LPAR5: variants seen among roughly 807,000 people sequenced by gnomAD.
LPAR5 encodes the protein lysophosphatidic acid receptor 5.
For missense variants in LPAR5, 544 were observed against 521.8 expected, an observed-to-expected ratio of 1.04 and a Z score of -0.41; for synonymous variants, 271 against 261.6, an observed-to-expected ratio of 1.04 and a Z score of -0.35.
At chr12:6,623,963 C>A (rs1348950428) in intron 1 of LPAR5, among the ~76,000 whole-genome samples, 1 of 152,044 alleles carries the variant, frequency 6.6e-6, no homozygotes, top group Non-Finnish European at 1.5e-5. Context: ...CCATGTCAGA[C>A]AAGCAAACAA....
intron 1 of LPAR5, among the ~76,000 whole-genome samples, chr12:6,626,503 G>T (rs1210620079): frequency 6.6e-6 from 1 of 152,146 alleles, no homozygotes; most frequent in African/African-American, 2.4e-5. Flanking sequence ...AACAGTTAAA[G>T]GGAATAAAGA....
intron 1 of LPAR5, among the ~76,000 whole-genome samples, chr12:6,631,228 T>C (rs771720132): frequency 4.0e-4 from 61 of 152,198 alleles, no homozygotes; most frequent in Non-Finnish European, 8.1e-4. Flanking sequence ...ACACACACGC[T>C]AAGAGATGTG....
At chr12:6,627,983 C>G (rs1565387933) in intron 1 of LPAR5, among the ~76,000 whole-genome samples, 1 of 151,486 alleles carries the variant, frequency 6.6e-6, no homozygotes, top group Admixed American at 6.6e-5. Context: ...ACAGTTTACA[C>G]TATGATTACA....
intron 1 of LPAR5, among the ~76,000 whole-genome samples, chr12:6,630,741 C>A (rs7137095): frequency 0.45 from 68,620 of 151,546 alleles, 18,324 homozygotes; most frequent in Middle Eastern, 0.71. Context: ...CATGAGCCAC[C>A]GCACCTGGCC....
At chr12:6,625,815 T>G (rs963344127) in intron 1 of LPAR5, among the ~76,000 whole-genome samples, 1 of 151,972 alleles carries the variant, frequency 6.6e-6, no homozygotes, top group Non-Finnish European at 1.5e-5. Context: ...TTTTTTGTTT[T>G]TTTTGAGACA....
intron 1 of LPAR5, among the ~76,000 whole-genome samples, chr12:6,629,002 C>A (rs1321420075): frequency 6.6e-6 from 1 of 150,474 alleles, no homozygotes; most frequent in Non-Finnish European, 1.5e-5. Flanking sequence ...AACTCCTGAC[C>A]TCAGGTAATC....
intron 1 of LPAR5, among the ~76,000 whole-genome samples, chr12:6,628,490 A>C (rs1948959434): frequency 6.8e-6 from 1 of 147,736 alleles, no homozygotes; most frequent in Non-Finnish European, 1.5e-5. Context: ...GGAGTTTCGC[A>C]TGCTCTGTCA....
At chr12:6,622,947 AAG>A (rs1948906957) in intron 1 of LPAR5, among the ~76,000 whole-genome samples, 1 of 151,394 alleles carries the variant, frequency 6.6e-6, no homozygotes, top group Non-Finnish European at 1.5e-5. Context: ...AAAAGAAAGA[AAG>A]AGGGCCAGGG....
Position 6,620,323 on chromosome 12 carries a change from C to T in LPAR5, c.926G>A (p.Arg309His), listed in dbSNP as rs946462802. 2 of 1,608,822 alleles carry T rather than the reference C, an allele frequency of 1.2e-6. No individual in the cohort carries two copies. Among genetic ancestry groups the T allele is most frequent in the South Asian group, 2.2e-5 (2 of 90,688 alleles). Residue 309 changes from arginine to histidine, a missense_variant, in exon 2 of 2, where the codon CGC becomes CAC. Transcript: ENST00000329858. The surrounding 1 kb of genome is among the most constrained non-coding windows in gnomAD (Gnocchi z 6.8). ...FSAEGFRNTLRGLGTPHRART... is the reference protein window; with the variant it reads ...FSAEGFRNTLHGLGTPHRART... Reference sequence around the variant, plus strand: ...GGCCCGGTGCGGAGTGCCCAGGCCGCGCAGGGTGTTGCGGAAGCCCTCGGC... The same window carrying T: ...GGCCCGGTGCGGAGTGCCCAGGCCGTGCAGGGTGTTGCGGAAGCCCTCGGC...
intron 1 of LPAR5, among the ~76,000 whole-genome samples, chr12:6,626,936 A>G (rs944502418): frequency 6.6e-6 from 1 of 152,184 alleles, no homozygotes; most frequent in African/African-American, 2.4e-5. Flanking sequence ...TCTTAGAGGG[A>G]GGGGCTGTGG....
chr12:6,630,388 G>A (rs921386580), intron 1 of LPAR5, among the ~76,000 whole-genome samples: 2 of 142,176 alleles, frequency 1.4e-5, no homozygotes, highest in Admixed American at 1.5e-4. Flanking sequence ...TTCCCAAAGT[G>A]CTGGGTGCTG....
At chr12:6,630,408 G>A (rs981258523) in intron 1 of LPAR5, among the ~76,000 whole-genome samples, 5 of 137,088 alleles carry the variant, frequency 3.6e-5, no homozygotes, top group African/African-American at 8.3e-5. Context: ...GGAATTACAA[G>A]AGTGAACCAC....
rs928985793 is a variant in LPAR5 at position 6,620,736 on chromosome 12, C to T, written c.513G>A (p.Glu171=). 2 of 1,589,808 alleles carry T rather than the reference C, an allele frequency of 1.3e-6. No individual in the cohort carries two copies. The highest frequency in any genetic ancestry group is 1.8e-5 in the Admixed American group (1 of 56,918). Residue 171 remains glutamate, a synonymous_variant, in exon 2 of 2, where the codon GAG becomes GAA. Transcript: ENST00000329858. The surrounding 1 kb of genome is among the most constrained non-coding windows in gnomAD (Gnocchi z 6.8). ...RPSRCRYRDL[E]VRLCFESFSD... is the part of the protein sequence containing the mutation. Reference sequence around the variant, plus strand: ...TGAAGCTCTCGAAGCATAGGCGCACCTCGAGGTCCCGGTAGCGGCAACGCG... The same window carrying T: ...TGAAGCTCTCGAAGCATAGGCGCACTTCGAGGTCCCGGTAGCGGCAACGCG...
At position 6,633,202 on chromosome 12, in the gene LPAR5, C is replaced by T. The variant is rs137863932; in HGVS notation, c.-217+2705G>A. Among the ~76,000 whole-genome samples, 810 of 152,318 alleles carry T rather than the reference C, an allele frequency of 5.3e-3. 3 individuals carry two copies. The highest frequency in any genetic ancestry group is 0.018 in the African/African-American group (763 of 41,572). On this transcript the variant is annotated intron_variant, in intron 1 of 1. Transcript: ENST00000329858. ...TCGAGAGCTGGAAAAGCAAGAAAGT[C>T]AGTCCCAAGAGAAGCCACGGAGGCA...
At position 6,620,557 on chromosome 12, in the gene LPAR5, T is replaced by C; in HGVS notation, c.692A>G (p.Lys231Arg). The C allele has an allele frequency of 6.4e-7, 1 of 1,557,528 alleles. No homozygotes were observed. The highest frequency in any genetic ancestry group is 8.7e-7 in the Non-Finnish European group (1 of 1,151,148). ...GTTAGCCAGCAGGAGGCGCACGGTC[T>C]TCCGCCGCCGCTGGCTCTGCGTGGC... ...PDATQSQRRR[K>R]TVRLLLANLV... Residue 231 changes from lysine (K) to arginine (R), a missense_variant, in exon 2 of 2, where the codon AAG (lysine) becomes AGG (arginine). Coordinates refer to ENST00000329858, the MANE Select transcript of LPAR5 (RefSeq NM_020400.6). The surrounding 1 kb of genome is among the most constrained non-coding windows in gnomAD (Gnocchi z 6.8).
chr12:6,623,648 C>T lies in LPAR5; in HGVS notation c.-216-2184G>A, dbSNP rs368799574. Among the ~76,000 whole-genome samples, 21 of 152,256 alleles carry T rather than the reference C, an allele frequency of 1.4e-4. No individual in the cohort carries two copies. The East Asian group carries it at 3.9e-3, about 28-fold the overall frequency. On this transcript the variant is annotated intron_variant, in intron 1 of 1. Transcript: ENST00000329858. ...GATCTCTTCCTTCCTTCTTTCCTTG[C>T]TTACTGAGCTCATAGAAAGTTCCAG...
Position 6,633,958 on chromosome 12 carries a change from AAGG to A in LPAR5, c.-217+1946_-217+1948del, listed in dbSNP as rs376359713. Among the ~76,000 whole-genome samples the A allele has an allele frequency of 1.5e-3, 221 of 152,240 alleles. 1 individual carries two copies. Among genetic ancestry groups the A allele is most frequent in the African/African-American group, 5.1e-3 (212 of 41,540 alleles). On this transcript the variant is annotated intron_variant, in intron 1 of 1. Coordinates refer to ENST00000329858, the MANE Select transcript of LPAR5 (RefSeq NM_020400.6). Reference sequence around the variant, plus strand: ...GGTCTACAACTTTAGCTCACCCTAAAAGGAGGATTTCTGCCAGCCTGGGCAGCA... The same window carrying A: ...GGTCTACAACTTTAGCTCACCCTAAAAGGATTTCTGCCAGCCTGGGCAGCA...
chr12:6,622,768 A>T (rs796813280), intron 1 of LPAR5, among the ~76,000 whole-genome samples: 33 of 151,894 alleles, frequency 2.2e-4, no homozygotes, highest in African/African-American at 7.2e-4. Context: ...AAAAAATATT[A>T]AAAAATTAAA....
intron 1 of LPAR5, among the ~76,000 whole-genome samples, chr12:6,628,182 C>T (rs183612915): frequency 1.2e-4 from 18 of 151,778 alleles, no homozygotes; most frequent in South Asian, 2.1e-4. Context: ...CCACCTCACC[C>T]GGCTAATTTT....
Sources: allele counts gnomAD v4.1 joint callset (sites outside exome capture counted in the v4.1 genomes callset), GRCh38; gene constraint gnomAD v4.1.1; non-coding constraint Gnocchi (gnomAD v3.1); transcripts MANE v1.5; gene names NCBI Gene and HGNC (gene_info 2026-07-23, HGNC 2026-07-21).